MBNL1: variants seen among roughly 807,000 people sequenced by gnomAD.
MBNL1 encodes the protein muscleblind like splicing regulator 1.
A neutral mutation model predicts 42.2 loss-of-function variants in MBNL1; 8 were observed. The observed-to-expected ratio is 0.19, with a 90% confidence interval of 0.11 to 0.34. The LOEUF (loss-of-function observed/expected upper bound fraction) is 0.34, where lower values mean the gene tolerates loss of function less well. Ranked by LOEUF, MBNL1 falls within the 10% of genes least tolerant of loss-of-function variation. The pLI is 1.00. For synonymous variants in MBNL1, 169 were observed against 173.9 expected, an observed-to-expected ratio of 0.97 and a Z score of 0.22; for missense variants, 309 against 495.3, an observed-to-expected ratio of 0.62 and a Z score of 3.57.
intron 3 of MBNL1, among the ~76,000 whole-genome samples, chr3:152,415,898 A>G (rs1005637772): frequency 1.3e-5 from 2 of 152,254 alleles, no homozygotes; most frequent in African/African-American, 4.8e-5. Flanking sequence ...AAAGATTATT[A>G]TAAGAATTAG....
intron 2 of MBNL1, among the ~76,000 whole-genome samples, chr3:152,308,490 A>AATC (rs2064465421): frequency 6.6e-6 from 1 of 152,142 alleles, no homozygotes; most frequent in Admixed American, 6.5e-5. Context: ...ATTTGCTTAG[A>AATC]ATCAGCAGGA....
chr3:152,277,794 A>C (rs1461566722), intron 1 of MBNL1, among the ~76,000 whole-genome samples: 1 of 152,134 alleles, frequency 6.6e-6, no homozygotes, highest in Non-Finnish European at 1.5e-5. Context: ...ATTCCCATGA[A>C]ATAAAGACAG....
Position 152,350,382 on chromosome 3 carries a change from T to C in MBNL1, c.174+50015T>C, listed in dbSNP as rs888602129. Among the ~76,000 whole-genome samples the C allele has an allele frequency of 2.6e-5, 4 of 151,940 alleles. No homozygotes were observed. In the East Asian group the frequency reaches 7.7e-4, roughly 29 times the overall value. On this transcript the variant is annotated intron_variant, in intron 2 of 9. Coordinates refer to ENST00000324210, the MANE Select transcript of MBNL1 (RefSeq NM_021038.5). ...TCCAAGAAGATGAGTCACTAGTAAA[T>C]TGGGAGGTAATGCATGAGGCCTCAA...
rs896724818 is a variant in MBNL1, at chr3:152,246,343, A to G, written n.333+1903A>G. On this transcript the variant is annotated intron_variant and non_coding_transcript_variant, in intron 2 of 2. Coordinates refer to the MBNL1 transcript ENST00000477171. The stretch of plus-strand genomic sequence containing the variant: ...GCAGAGAAGATACTATCTTTCTGGC[A>G]AGACAGATTTGTTGTTGTTGTTGTT... Among the ~76,000 whole-genome samples the G allele has an allele frequency of 7.9e-5, 12 of 152,254 alleles. No individual in the cohort carries two copies. The East Asian group carries it at 2.3e-3, about 29-fold the overall frequency.
rs747301610 is a variant in MBNL1, at chr3:152,414,983, C to G, written c.217C>G (p.Pro73Ala). ...RENCKYLHPP[P>A]HLKTQLEING... ...GAACTGCAAATATCTTCATCCACCC[C>G]CACATTTAAAAACGCAGTTGGAGAT... The change falls in exon 3 of 10, where the codon CCA (proline) becomes GCA (alanine). Residue 73 changes from proline to alanine, a missense_variant. Transcript: ENST00000324210. The G allele has an allele frequency of 6.2e-7, 1 of 1,608,114 alleles. No homozygotes were observed. Among genetic ancestry groups the G allele is most frequent in the African/African-American group, 1.3e-5 (1 of 74,492 alleles).
chr3:152,400,462 C>T (rs1381618327), intron 2 of MBNL1, among the ~76,000 whole-genome samples: 1 of 152,192 alleles, frequency 6.6e-6, no homozygotes. Context: ...TCTATTATTA[C>T]TTATCTAATT....
At chr3:152,327,340 C>G (rs1489964559) in intron 2 of MBNL1, among the ~76,000 whole-genome samples, 1 of 151,356 alleles carries the variant, frequency 6.6e-6, no homozygotes, top group Non-Finnish European at 1.5e-5. Context: ...CTGCTTTTTT[C>G]TTTTCTTTCT....
At chr3:152,444,731 T>C (rs1457797397) in intron 4 of MBNL1, among the ~76,000 whole-genome samples, 2 of 152,214 alleles carry the variant, frequency 1.3e-5, no homozygotes, top group South Asian at 2.1e-4. Flanking sequence ...ATCCTCCAGC[T>C]TGTGATAATA....
chr3:152,430,630 A>T (rs1032242384), intron 3 of MBNL1, among the ~76,000 whole-genome samples: 1 of 149,802 alleles, frequency 6.7e-6, no homozygotes, highest in East Asian at 2.0e-4. Flanking sequence ...TAGAAATCCA[A>T]GTTCAACATA....
intron 2 of MBNL1, among the ~76,000 whole-genome samples, chr3:152,257,949 C>T (rs185881481): frequency 3.5e-4 from 54 of 152,194 alleles, no homozygotes; most frequent in Admixed American, 2.6e-3. Flanking sequence ...GAGAAAAGTT[C>T]GACCAAAGAA....
At chr3:152,381,754 A>G (rs1175138385) in intron 2 of MBNL1, among the ~76,000 whole-genome samples, 1 of 152,030 alleles carries the variant, frequency 6.6e-6, no homozygotes, top group Non-Finnish European at 1.5e-5. Context: ...CTGATTAAAA[A>G]ATGTTATCTA....
intron 6 of MBNL1, 115 bp downstream of exon 6, chr3:152,447,888 A>G (rs1713274983): frequency 3.3e-6 from 3 of 902,984 alleles, no homozygotes; most frequent in Non-Finnish European, 4.9e-6. Flanking sequence ...GTGTCAGGTA[A>G]GGTGGTCAAT....
chr3:152,321,223 C>G (rs1318036364), intron 2 of MBNL1, among the ~76,000 whole-genome samples: 1 of 151,988 alleles, frequency 6.6e-6, no homozygotes, highest in African/African-American at 2.4e-5. Flanking sequence ...AGAGGATCAT[C>G]AGGGGAGTTA....
At chr3:152,411,248 A>C (rs2098556087) in intron 2 of MBNL1, among the ~76,000 whole-genome samples, 1 of 152,194 alleles carries the variant, frequency 6.6e-6, no homozygotes. Flanking sequence ...ATGGCTGGTC[A>C]TGGTGGCTCA....
chr3:152,399,564 G>T (rs890932679), intron 2 of MBNL1, among the ~76,000 whole-genome samples: 1 of 151,770 alleles, frequency 6.6e-6, no homozygotes, highest in Admixed American at 6.6e-5. Flanking sequence ...CCAGGCTGGA[G>T]TATAGTAGTG....
intron 2 of MBNL1, among the ~76,000 whole-genome samples, chr3:152,314,832 T>G (rs1184962271): frequency 6.6e-6 from 1 of 152,202 alleles, no homozygotes; most frequent in South Asian, 2.1e-4. Flanking sequence ...TCAGAAATAA[T>G]ACAGCCTAGT....
At chr3:152,454,024 C>T (rs1444776864) in intron 6 of MBNL1, among the ~76,000 whole-genome samples, 6 of 151,612 alleles carry the variant, frequency 4.0e-5, no homozygotes, top group South Asian at 2.1e-4. Context: ...GATGTAGATC[C>T]GGTATTAAGT....
chr3:152,448,263 A>G (rs980065789), intron 6 of MBNL1, among the ~76,000 whole-genome samples: 29 of 152,316 alleles, frequency 1.9e-4, no homozygotes, highest in African/African-American at 6.7e-4. Flanking sequence ...ATTGGCATCA[A>G]TCAGTACACT....
At chr3:152,441,062 T>C (rs983142935) in intron 4 of MBNL1, among the ~76,000 whole-genome samples, 4 of 152,222 alleles carry the variant, frequency 2.6e-5, no homozygotes, top group African/African-American at 9.6e-5. Flanking sequence ...TTTCTGTTCC[T>C]GCTTTTGATT....
Sources: gnomAD v4.1 joint callset for allele counts (sites outside exome capture counted in the v4.1 genomes callset) on GRCh38, gnomAD v4.1.1 for gene constraint, MANE v1.5 for transcripts, NCBI Gene and HGNC (gene_info 2026-07-23, HGNC 2026-07-21) for gene names.